The following APLF variants were observed in gnomAD, a reference collection of about 807,000 sequenced individuals.
The protein encoded by APLF is aprataxin and PNK-like factor.
A neutral mutation model predicts 55.6 loss-of-function variants in APLF; 61 were observed. That is an observed-to-expected ratio of 1.10 (90% CI 0.89 to 1.36). The LOEUF (loss-of-function observed/expected upper bound fraction) is 1.36. APLF is among the 40% of genes most tolerant of loss of function. The probability of loss-of-function intolerance (pLI) is 0.00; values close to 1 mark genes in which losing one functional copy is unlikely to be tolerated. For missense variants in APLF, 611 were observed against 602.5 expected, an observed-to-expected ratio of 1.01 and a Z score of -0.15; for synonymous variants, 207 against 214.8, an observed-to-expected ratio of 0.96 and a Z score of 0.32.
intron 6 of APLF, among the ~76,000 whole-genome samples, chr2:68,536,563 A>G (rs757459128): frequency 1.3e-5 from 2 of 152,130 alleles, no homozygotes; most frequent in Non-Finnish European, 2.9e-5. Flanking sequence ...CTCCACGGGA[A>G]GTATAAGTAA....
chr2:68,511,159 A>G (rs1280394391), intron 3 of APLF, among the ~76,000 whole-genome samples: 2 of 151,802 alleles, frequency 1.3e-5, no homozygotes, highest in Non-Finnish European at 2.9e-5. Context: ...AACAGGATGA[A>G]TCTTATGACT....
intron 8 of APLF, among the ~76,000 whole-genome samples, chr2:68,558,980 A>G (rs1671092858): frequency 6.6e-6 from 1 of 152,238 alleles, no homozygotes; most frequent in Non-Finnish European, 1.5e-5. Flanking sequence ...AAATAAAACT[A>G]AAAACTATTA....
intron 8 of APLF, chr2:68,563,248 GA>G (rs1671214224): frequency 1.0e-6 from 1 of 985,068 alleles, no homozygotes; most frequent in Non-Finnish European, 1.2e-6. Context: ...TAAGGCAGAT[GA>G]AAACCTGTAC....
At chr2:68,498,183 T>C (rs1037094197) in intron 2 of APLF, among the ~76,000 whole-genome samples, 1 of 152,248 alleles carries the variant, frequency 6.6e-6, no homozygotes, top group Non-Finnish European at 1.5e-5. Flanking sequence ...ATATCACTTA[T>C]TCTCTGTTCC....
chr2:68,545,912 G>A (rs1476485457), intron 8 of APLF, among the ~76,000 whole-genome samples: 1 of 152,096 alleles, frequency 6.6e-6, no homozygotes, highest in Non-Finnish European at 1.5e-5. Flanking sequence ...CTTAATAGAT[G>A]AATGAACTTG....
At chr2:68,488,959 A>G (rs1676271960) in intron 1 of APLF, among the ~76,000 whole-genome samples, 1 of 152,064 alleles carries the variant, frequency 6.6e-6, no homozygotes, top group Non-Finnish European at 1.5e-5. Flanking sequence ...GTACCCTAAA[A>G]CTTAAAGTAT....
In APLF at chr2:68,470,768, T is replaced by C. The variant is rs547434085; in HGVS notation, c.96+2941T>C. On this transcript the variant is annotated intron_variant, in intron 1 of 9. Transcript: ENST00000303795. ...GATAGCAAAAGATATCTAGTGATAC[T>C]TTCTCAATGTAGATGTAATTAAATT... is the stretch of plus-strand genomic sequence containing the variant. Among the ~76,000 whole-genome samples, 7 of 152,356 alleles carry C rather than the reference T, an allele frequency of 4.6e-5. No homozygotes were observed. In the East Asian group the frequency reaches 1.3e-3, roughly 29 times the overall value.
At chr2:68,537,217 CATT>C (rs1231925386) in intron 6 of APLF, among the ~76,000 whole-genome samples, 5 of 150,984 alleles carry the variant, frequency 3.3e-5, no homozygotes, top group Non-Finnish European at 5.9e-5. Context: ...GAACATGACT[CATT>C]GTTGAACAGT....
intron 1 of APLF, among the ~76,000 whole-genome samples, chr2:68,473,069 T>G (rs912278696): frequency 6.6e-6 from 1 of 152,174 alleles, no homozygotes; most frequent in African/African-American, 2.4e-5. Context: ...CTCTTGGTAT[T>G]GTACATCTTA....
chr2:68,477,785 G>A (rs993358921), intron 1 of APLF, among the ~76,000 whole-genome samples: 10 of 152,162 alleles, frequency 6.6e-5, no homozygotes, highest in East Asian at 1.9e-4. Flanking sequence ...AAAGTCAAAC[G>A]TCTTACATGG....
chr2:68,572,145 T>A (rs1194742929), intron 9 of APLF, among the ~76,000 whole-genome samples: 1 of 149,088 alleles, frequency 6.7e-6, no homozygotes, highest in Non-Finnish European at 1.5e-5. Context: ...AACTGCTGCT[T>A]AATGTGTGGA....
intron 6 of APLF, among the ~76,000 whole-genome samples, chr2:68,533,484 T>C (rs574180050): frequency 9.2e-5 from 14 of 152,322 alleles, no homozygotes; most frequent in African/African-American, 3.1e-4. Context: ...TAACACAACA[T>C]GATCATGTCA....
chr2:68,480,633 A>G (rs1210111916), intron 1 of APLF, among the ~76,000 whole-genome samples: 5 of 151,856 alleles, frequency 3.3e-5, no homozygotes, highest in African/African-American at 1.2e-4. Flanking sequence ...TGCTCTGGCT[A>G]GGACTAATAG....
At chr2:68,542,545 A>T (rs1162406931) in intron 7 of APLF, among the ~76,000 whole-genome samples, 1 of 152,220 alleles carries the variant, frequency 6.6e-6, no homozygotes, top group African/African-American at 2.4e-5. Context: ...AAGCATATTA[A>T]AAGATGCTCA....
intron 6 of APLF, among the ~76,000 whole-genome samples, chr2:68,527,782 G>A (rs1441057721): frequency 6.6e-6 from 1 of 151,376 alleles, no homozygotes; most frequent in African/African-American, 2.4e-5. Flanking sequence ...AGAGAGGGCG[G>A]GGGCCGGGCA....
intron 8 of APLF, among the ~76,000 whole-genome samples, chr2:68,555,223 G>T (rs552971560): frequency 6.6e-6 from 1 of 152,102 alleles, no homozygotes; most frequent in African/African-American, 2.4e-5. Context: ...GACAAAACTG[G>T]AAAAACCCTT....
intron 6 of APLF, among the ~76,000 whole-genome samples, chr2:68,526,891 T>C (rs1303534562): frequency 6.6e-6 from 1 of 152,222 alleles, no homozygotes; most frequent in African/African-American, 2.4e-5. Context: ...TTTCACCATG[T>C]TGGCCGGAAC....
intron 1 of APLF, among the ~76,000 whole-genome samples, chr2:68,476,887 G>A (rs1675792985): frequency 6.6e-6 from 1 of 152,042 alleles, no homozygotes; most frequent in Non-Finnish European, 1.5e-5. Context: ...GAACGGCATA[G>A]GTCCACTTCT....
chr2:68,495,237 A>C (rs1160532370), intron 2 of APLF, among the ~76,000 whole-genome samples: 1 of 152,222 alleles, frequency 6.6e-6, no homozygotes, highest in African/African-American at 2.4e-5. Flanking sequence ...GAGAAGTCCA[A>C]AGTCTCACCT....
Sources: gnomAD v4.1 joint callset for allele counts (sites outside exome capture counted in the v4.1 genomes callset) on GRCh38, gnomAD v4.1.1 for gene constraint, MANE v1.5 for transcripts, NCBI Gene and HGNC (gene_info 2026-07-23, HGNC 2026-07-21) for gene names.